Variants in SKIL observed in about 807,000 individuals in gnomAD.
SKIL encodes the protein SKI like proto-oncogene.
Under a neutral mutation model 69.6 loss-of-function variants are expected in SKIL, and 20 were observed. That is an observed-to-expected ratio of 0.29 (90% CI 0.20 to 0.42). SKIL has a LOEUF of 0.42. Ranked by LOEUF, SKIL falls within the 10% of genes least tolerant of loss-of-function variation. The probability of loss-of-function intolerance (pLI) is 1.00; values close to 1 mark genes in which losing one functional copy is unlikely to be tolerated. For synonymous variants in SKIL, 310 were observed against 279.9 expected (o/e 1.11, Z -1.08); for missense variants, 745 against 783.1 (o/e 0.95, Z 0.58).
At chr3:170,379,629 C>T (rs1159745049) in intron 2 of SKIL, among the ~76,000 whole-genome samples, 2 of 151,868 alleles carry the variant, frequency 1.3e-5, no homozygotes, top group Non-Finnish European at 1.5e-5. Flanking sequence ...CTTTTTTTCT[C>T]TTCAATTTCT....
At position 170,393,232 on chromosome 3, in the gene SKIL, T is replaced by C. The variant is rs958092339; in HGVS notation, c.*815T>C. 6 of 152,312 alleles carry C rather than the reference T, an allele frequency of 3.9e-5. 1 individual carries two copies. The highest frequency in any genetic ancestry group is 6.5e-5 in the Admixed American group (1 of 15,290). 9.4% of individuals were successfully genotyped at this position (152,312 alleles called of 1,614,324 possible). ...TTGAGAAAAACTGATACCACTGTTG[T>C]GTATCAGTTTCTATACAATCCATAA... On this transcript the variant is annotated 3_prime_UTR_variant, in exon 7 of 7. Coordinates refer to ENST00000259119, the MANE Select transcript of SKIL (RefSeq NM_005414.5).
chr3:170,366,696 G>GACACACAC (rs376902100), intron 2 of SKIL, among the ~76,000 whole-genome samples: 9,148 of 147,616 alleles, frequency 0.062, 378 homozygotes, highest in African/African-American at 0.12. Context: ...CACACACACA[G>GACACACAC]ACACACACAC....
chr3:170,364,247 C>T (rs1295316408), intron 2 of SKIL, among the ~76,000 whole-genome samples: 1 of 151,786 alleles, frequency 6.6e-6, no homozygotes, highest in Non-Finnish European at 1.5e-5. Flanking sequence ...GCCACCATGC[C>T]CAGTGGTGGT....
chr3:170,376,042 CTTTTTT>C (rs869036195), intron 2 of SKIL, among the ~76,000 whole-genome samples: 9 of 89,134 alleles, frequency 1.0e-4, no homozygotes, highest in Admixed American at 2.8e-4. Context: ...GCTGATTTTC[CTTTTTT>C]TTTTTTTTTT....
intron 2 of SKIL, among the ~76,000 whole-genome samples, chr3:170,380,212 G>T (rs141463866): frequency 1.9e-3 from 284 of 152,204 alleles, no homozygotes; most frequent in African/African-American, 6.6e-3. Flanking sequence ...ATTTAATTTG[G>T]CAAAGTATTG....
At chr3:170,358,372 G>A (rs907417990) in intron 1 of SKIL, 5 of 152,202 alleles carry the variant, frequency 3.3e-5, no homozygotes, top group African/African-American at 4.8e-5. Context: ...TCGCCGGTGG[G>A]GGTGGGGGGA....
intron 2 of SKIL, among the ~76,000 whole-genome samples, chr3:170,363,106 G>C (rs1487921159): frequency 6.6e-6 from 1 of 151,964 alleles, no homozygotes; most frequent in East Asian, 1.9e-4. Flanking sequence ...CTTAACAAGA[G>C]GTTGGCTGTG....
chr3:170,360,196 A>T lies in SKIL; in HGVS notation c.-136A>T. On this transcript the variant is annotated 5_prime_UTR_variant, in exon 2 of 7. Transcript: ENST00000259119. The stretch of plus-strand genomic sequence containing the variant: ...ACTAAGTCGCAAAATTTATTAATTT[A>T]AGGGGCTCTCGCTTTGAAAGTTTGA... The T allele has an allele frequency of 6.1e-6, 5 of 823,872 alleles. No individual in the cohort carries two copies. The highest frequency in any genetic ancestry group is 9.4e-6 in the Non-Finnish European group (5 of 534,448). 51.0% of individuals were successfully genotyped at this position (823,872 alleles called of 1,614,324 possible). A position where few individuals can be genotyped will look rare whatever the true frequency, so the allele number is the denominator to read the frequency against.
intron 2 of SKIL, among the ~76,000 whole-genome samples, chr3:170,366,862 T>C (rs1180789510): frequency 6.6e-6 from 1 of 152,228 alleles, no homozygotes; most frequent in Non-Finnish European, 1.5e-5. Context: ...CCTGATTCTT[T>C]TTCACATCTT....
Position 170,379,328 on chromosome 3 carries a change from GT to G in SKIL, c.1099-1910del, listed in dbSNP as rs1486411303. On this transcript the variant is annotated intron_variant, in intron 2 of 6. Transcript: ENST00000259119. ...AGAGAAATATCCAGCTCTCTTTTTTGTTTTTTCCCTTGTTTAACTCGTTCCT... is the reference window on the plus strand; with the variant it reads ...AGAGAAATATCCAGCTCTCTTTTTTGTTTTTCCCTTGTTTAACTCGTTCCT... Among the ~76,000 whole-genome samples, 17 of 152,058 alleles carry G rather than the reference GT, an allele frequency of 1.1e-4. No individual in the cohort carries two copies. In the East Asian group the frequency reaches 3.3e-3, roughly 29 times the overall value.
At chr3:170,368,870 T>C (rs753032602) in intron 2 of SKIL, among the ~76,000 whole-genome samples, 11 of 152,214 alleles carry the variant, frequency 7.2e-5, no homozygotes, top group Non-Finnish European at 1.0e-4. Context: ...GATACATTGA[T>C]TGGAGATAGT....
chr3:170,366,839 C>G (rs1055663857), intron 2 of SKIL, among the ~76,000 whole-genome samples: 2 of 152,108 alleles, frequency 1.3e-5, no homozygotes, highest in Non-Finnish European at 1.5e-5. Flanking sequence ...TAAATACATG[C>G]AAACATCACA....
At chr3:170,367,239 G>T (rs956867246) in intron 2 of SKIL, among the ~76,000 whole-genome samples, 1 of 151,864 alleles carries the variant, frequency 6.6e-6, no homozygotes, top group African/African-American at 2.4e-5. Flanking sequence ...CCCCTGAGTA[G>T]CTGGGACTAC....
chr3:170,371,494 G>A (rs1736803765), intron 2 of SKIL, among the ~76,000 whole-genome samples: 1 of 152,106 alleles, frequency 6.6e-6, no homozygotes, highest in Admixed American at 6.6e-5. Context: ...GCAACAGAGT[G>A]AGACTCTGTC....
At chr3:170,385,581 G>A (rs1450399526) in intron 4 of SKIL, among the ~76,000 whole-genome samples, 1 of 152,130 alleles carries the variant, frequency 6.6e-6, no homozygotes, top group Non-Finnish European at 1.5e-5. Context: ...AAGAAAAATA[G>A]CTGGTTACTT....
chr3:170,384,317 C>T (rs1737508209), intron 3 of SKIL, among the ~76,000 whole-genome samples: 2 of 152,042 alleles, frequency 1.3e-5, no homozygotes, highest in African/African-American at 4.8e-5. Flanking sequence ...TACTTGCAAA[C>T]TAACAAAAAA....
chr3:170,387,536 CTGA>C (rs1737696776), intron 4 of SKIL, among the ~76,000 whole-genome samples: 1 of 151,714 alleles, frequency 6.6e-6, no homozygotes, highest in South Asian at 2.1e-4. Flanking sequence ...TTTTTATGGC[CTGA>C]TAAGATTCCA....
At chr3:170,365,953 A>T (rs937237978) in intron 2 of SKIL, among the ~76,000 whole-genome samples, 1 of 150,818 alleles carries the variant, frequency 6.6e-6, no homozygotes, top group Non-Finnish European at 1.5e-5. Flanking sequence ...ACGGGGTTTC[A>T]CCATGCTGGC....
chr3:170,361,959 C>T (rs556686753), intron 2 of SKIL, among the ~76,000 whole-genome samples: 141 of 152,066 alleles, frequency 9.3e-4, no homozygotes, highest in African/African-American at 3.2e-3. Flanking sequence ...TTCTAGGACT[C>T]GATAATTTGC....
Sources: allele counts gnomAD v4.1 joint callset (sites outside exome capture counted in the v4.1 genomes callset), GRCh38; gene constraint gnomAD v4.1.1; transcripts MANE v1.5; gene names NCBI Gene and HGNC (gene_info 2026-07-23, HGNC 2026-07-21).